SORBS3: variants seen among roughly 807,000 people sequenced by gnomAD.
SORBS3 encodes sorbin and SH3 domain containing 3.
Under a neutral mutation model 98.0 loss-of-function variants are expected in SORBS3, and 69 were observed. That is an observed-to-expected ratio of 0.70 (90% CI 0.58 to 0.86). The LOEUF is 0.86. SORBS3 is among the 40% of genes least tolerant of loss of function. The pLI is 0.00. For missense variants in SORBS3, 954 were observed against 908.5 expected (o/e 1.05, Z -0.64); for synonymous variants, 394 against 355.4 (o/e 1.11, Z -1.22).
chr8:22,565,463 G>A, intron 11 of SORBS3, 109 bp downstream of exon 11: 1 of 856,480 alleles, frequency 1.2e-6, no homozygotes, highest in Non-Finnish European at 1.6e-6. Flanking sequence ...CCGAGGTCCG[G>A]CCTCCAGCGG....
chr8:22,564,122 G>T lies in SORBS3; in HGVS notation c.675+45G>T, dbSNP rs776519347. 10 of 1,567,998 alleles carry T rather than the reference G, an allele frequency of 6.4e-6. No homozygotes were observed. The African/African-American group carries it at 1.1e-4, about 17-fold the overall frequency. On this transcript the variant is annotated intron_variant, in intron 8 of 20. Coordinates refer to ENST00000240123, the MANE Select transcript of SORBS3 (RefSeq NM_005775.5). ...CCCTGGTCAGCCCCAGCTGTATGCC[G>T]TATGGCCAAGACCCTATGCCACGAT...
intron 4 of SORBS3, among the ~76,000 whole-genome samples, chr8:22,557,634 T>C (rs1376145879): frequency 1.4e-5 from 2 of 144,276 alleles, no homozygotes; most frequent in Non-Finnish European, 3.1e-5. Context: ...AGTGAGACCC[T>C]GTCTCTATAA....
chr8:22,572,309 T>C (rs1840607785), intron 19 of SORBS3, 31 bp from the exon 20 acceptor site: 1 of 1,586,706 alleles, frequency 6.3e-7, no homozygotes, highest in African/African-American at 1.3e-5. Flanking sequence ...TCTGGGCCCA[T>C]TCTCTGGTTG....
rs528443146 is a variant in SORBS3, at chr8:22,574,265, C to T, written c.1955-402C>T. Among the ~76,000 whole-genome samples, 150 of 152,254 alleles carry T rather than the reference C, an allele frequency of 9.9e-4. 1 individual carries two copies. The highest frequency in any genetic ancestry group is 2.3e-3 in the South Asian group (11 of 4,826). On this transcript the variant is annotated intron_variant, in intron 20 of 20. Coordinates refer to ENST00000240123, the MANE Select transcript of SORBS3 (RefSeq NM_005775.5). ...TTACTCCTAAGCGTCGGGGTGCTCT[C>T]GGGCAATGCATTCAGCCTTCCCATA...
chr8:22,574,177 C>CCCT (rs890331764), intron 20 of SORBS3, among the ~76,000 whole-genome samples: 59 of 152,296 alleles, frequency 3.9e-4, no homozygotes, highest in Middle Eastern at 3.4e-3. Flanking sequence ...GGGTTCCCCC[C>CCCT]CCTCCTCCTC....
At position 22,572,345 on chromosome 8, in the gene SORBS3, G is replaced by A. The variant is rs76809139; in HGVS notation, c.1853G>A (p.Arg618Gln). 124 of 1,613,704 alleles carry A rather than the reference G, an allele frequency of 7.7e-5. No homozygotes were observed. The Middle Eastern group carries it at 9.9e-4, about 13-fold the overall frequency. Residue 618 changes from arginine to glutamine, a missense_variant, in exon 20 of 21, where the codon CGG (arginine) becomes CAG (glutamine). Arg to Gln is a conservative substitution (Grantham distance 43). Coordinates refer to ENST00000240123, the MANE Select transcript of SORBS3 (RefSeq NM_005775.5). ...CCATGATACGCTTCTCGCAGGTACC[G>A]GGCGATGTACCAGTACAGGCCCCAG... ...NTSQIHWTPY[R>Q]AMYQYRPQNE...
intron 5 of SORBS3, among the ~76,000 whole-genome samples, chr8:22,559,896 G>C (rs1840258438): frequency 6.6e-6 from 1 of 151,464 alleles, no homozygotes. Context: ...GCGAAACCCT[G>C]TCTCTATCAA....
At position 22,545,911 on chromosome 8, in the gene SORBS3, A is replaced by G. The variant is rs1336345008; in HGVS notation, n.144+782A>G. 2.6e-5 allele frequency among the ~76,000 whole-genome samples: 4 copies of G among 152,212 alleles called. No individual in the cohort carries two copies. In the East Asian group the frequency reaches 5.8e-4, roughly 22 times the overall value. ...TCCCTAACTTTTATTTTCTCAGTGC[A>G]TGGTGACCCCCATAGCTGTTTTTCC... is the stretch of plus-strand genomic sequence containing the variant. On this transcript the variant is annotated intron_variant and non_coding_transcript_variant, in intron 1 of 4. Transcript: ENST00000522037.
In SORBS3 at chr8:22,554,532, GCGCTGGGCT is replaced by G; in HGVS notation, c.28_36del (p.Ala10_Leu12del). On this transcript the variant is annotated inframe_deletion, in exon 2 of 21. Transcript: ENST00000240123. This position sits in a 1 kb window ranked among gnomAD's most constrained non-coding sequence, Gnocchi z 6.5. Reference sequence around the variant, plus strand: ...ATGCAGGGCCCACCCCGCAGCCTCCGCGCTGGGCTCAGCCTGGACGACTTCATCCCTGGC... The same window carrying G: ...ATGCAGGGCCCACCCCGCAGCCTCCGCAGCCTGGACGACTTCATCCCTGGC... 3 of 1,612,522 alleles carry G rather than the reference GCGCTGGGCT, an allele frequency of 1.9e-6. No individual in the cohort carries two copies. In the South Asian group the frequency reaches 3.3e-5, roughly 18 times the overall value.
rs188651111 is a variant in SORBS3 at position 22,552,846 on chromosome 8, G to T, written c.-56+824G>T. On this transcript the variant is annotated intron_variant, in intron 1 of 20. Transcript: ENST00000240123. ...CCCGCAAGGGGAGGTGGAGTGTGGGGACTGGGGTGTGTCTGCCTGTTTTGC... is the reference window on the plus strand; with the variant it reads ...CCCGCAAGGGGAGGTGGAGTGTGGGTACTGGGGTGTGTCTGCCTGTTTTGC... 2.2e-3 allele frequency among the ~76,000 whole-genome samples: 336 copies of T among 152,314 alleles called. 3 individuals are homozygous for T. Among genetic ancestry groups the T allele is most frequent in the Admixed American group, 0.019 (285 of 15,308 alleles).
intron 16 of SORBS3, among the ~76,000 whole-genome samples, chr8:22,568,481 T>TG (rs1357471646): frequency 2.0e-5 from 3 of 152,180 alleles, no homozygotes; most frequent in African/African-American, 7.2e-5. Flanking sequence ...CTTTGACCCA[T>TG]GGGTTGGGTT....
At position 22,564,694 on chromosome 8, in the gene SORBS3, C is replaced by G. The variant is rs561465635; in HGVS notation, c.816+173C>G. The G allele has an allele frequency of 4.2e-4, 588 of 1,394,836 alleles. 7 individuals are homozygous for G. The South Asian group carries it at 5.7e-3, about 14-fold the overall frequency. 86.4% of individuals were successfully genotyped at this position (1,394,836 alleles called of 1,614,324 possible). A position where few individuals can be genotyped will look rare whatever the true frequency, so the allele number is the denominator to read the frequency against. On this transcript the variant is annotated intron_variant, in intron 10 of 20. Coordinates refer to ENST00000240123, the MANE Select transcript of SORBS3 (RefSeq NM_005775.5). ...GACAGTGGCTGGCATACAGGAGGCG[C>G]TCAGTAAACATGTGTTAAATAAATA...
intron 16 of SORBS3, among the ~76,000 whole-genome samples, chr8:22,567,538 A>T (rs183564222): frequency 5.5e-4 from 83 of 152,264 alleles, no homozygotes; most frequent in Middle Eastern, 3.4e-3. Context: ...TACACGCATA[A>T]CCTCTTTCAG....
At chr8:22,546,375 G>A (rs1413219180) in intron 1 of SORBS3, among the ~76,000 whole-genome samples, 2 of 152,136 alleles carry the variant, frequency 1.3e-5, no homozygotes, top group African/African-American at 4.8e-5. Flanking sequence ...TTGATGTCTG[G>A]TCTGGTCTCT....
rs556854702 is a variant in SORBS3, at chr8:22,564,942, C to A, written c.817-326C>A. 7.3e-5 allele frequency: 95 copies of A among 1,297,890 alleles called. 1 individual carries two copies. In the South Asian group the frequency reaches 1.6e-3, roughly 22 times the overall value. 80.4% of individuals were successfully genotyped at this position (1,297,890 alleles called of 1,614,324 possible). ...CACAGTGAAGCCAGGCCTTGGAGGGCGGGAGAAGATGGGAGAGGAAATGGG... is the reference window on the plus strand; with the variant it reads ...CACAGTGAAGCCAGGCCTTGGAGGGAGGGAGAAGATGGGAGAGGAAATGGG... On this transcript the variant is annotated intron_variant, in intron 10 of 20. Coordinates refer to ENST00000240123, the MANE Select transcript of SORBS3 (RefSeq NM_005775.5).
chr8:22,562,768 C>T (rs1840321937), intron 7 of SORBS3, among the ~76,000 whole-genome samples: 1 of 152,224 alleles, frequency 6.6e-6, no homozygotes, highest in Non-Finnish European at 1.5e-5. Context: ...GTGTATCATG[C>T]ATCATGTTTT....
intron 7 of SORBS3, among the ~76,000 whole-genome samples, chr8:22,563,576 A>C (rs548356970): frequency 6.6e-5 from 10 of 152,354 alleles, no homozygotes; most frequent in Non-Finnish European, 8.8e-5. Context: ...AGACGCACAT[A>C]GCCACAGTCA....
intron 5 of SORBS3, among the ~76,000 whole-genome samples, chr8:22,559,802 GT>G (rs1270234830): frequency 6.6e-6 from 1 of 152,138 alleles, no homozygotes; most frequent in Non-Finnish European, 1.5e-5. Context: ...CAAGTCTGCA[GT>G]TCACGGGACA....
intron 3 of SORBS3, among the ~76,000 whole-genome samples, chr8:22,555,486 C>T (rs1043136629): frequency 6.6e-6 from 1 of 152,214 alleles, no homozygotes. Flanking sequence ...TCCCCTAAGA[C>T]AGGTGCTGTG....
Sources: allele counts gnomAD v4.1 joint callset (sites outside exome capture counted in the v4.1 genomes callset), GRCh38; gene constraint gnomAD v4.1.1; non-coding constraint Gnocchi (gnomAD v3.1); transcripts MANE v1.5; gene names NCBI Gene and HGNC (gene_info 2026-07-23, HGNC 2026-07-21).